The following COL5A2 variants were observed in gnomAD, a reference collection of about 807,000 sequenced individuals.
COL5A2 encodes collagen alpha-2(V) chain.
Under a neutral mutation model 208.2 loss-of-function variants are expected in COL5A2, and 23 were observed. The ratio of observed to expected loss-of-function variants is 0.11; its 90% CI spans 0.08 to 0.16. The LOEUF is 0.16. Ranked by LOEUF, COL5A2 falls within the 10% of genes least tolerant of loss-of-function variation. The probability of loss-of-function intolerance (pLI) is 1.00; values close to 1 mark genes in which losing one functional copy is unlikely to be tolerated. For synonymous variants in COL5A2, 625 were observed against 628.5 expected, an observed-to-expected ratio of 0.99 and a Z score of 0.08; for missense variants, 1,590 against 1,956.4, an observed-to-expected ratio of 0.81 and a Z score of 3.53.
chr2:189,220,516 A>G (rs1689335619), intron 1 of COL5A2, among the ~76,000 whole-genome samples: 1 of 152,026 alleles, frequency 6.6e-6, no homozygotes, highest in East Asian at 1.9e-4. Context: ...TGGTTTGAAC[A>G]TGCCAATCAC....
intron 1 of COL5A2, among the ~76,000 whole-genome samples, chr2:189,133,437 G>A (rs181435835): frequency 7.2e-5 from 11 of 152,108 alleles, no homozygotes; most frequent in African/African-American, 2.7e-4. Flanking sequence ...ACTTCTTTAT[G>A]AAAGAAAGAA....
At chr2:189,038,105 G>A (rs1685479386) in intron 51 of COL5A2, among the ~76,000 whole-genome samples, 2 of 151,700 alleles carry the variant, frequency 1.3e-5, no homozygotes, top group South Asian at 4.2e-4. Flanking sequence ...GTATGATGCT[G>A]AGGTTTGGGG....
At chr2:189,194,022 T>C (rs1275265786) in intron 1 of COL5A2, among the ~76,000 whole-genome samples, 9 of 152,232 alleles carry the variant, frequency 5.9e-5, no homozygotes, top group African/African-American at 2.2e-4. Flanking sequence ...TTTATATTAA[T>C]ATGTAATGGG....
chr2:189,323,112 A>T, the COL5A2 span, among the ~76,000 whole-genome samples: 1 of 152,230 alleles, frequency 6.6e-6, no homozygotes, highest in Admixed American at 6.5e-5. Flanking sequence ...CTTCGAAAAA[A>T]TTCAAAAGCG....
At chr2:189,108,289 G>T (rs982299456) in intron 2 of COL5A2, among the ~76,000 whole-genome samples, 1 of 151,704 alleles carries the variant, frequency 6.6e-6, no homozygotes, top group Non-Finnish European at 1.5e-5. Context: ...TTAGCCGATG[G>T]TAGTTTCCCT....
the COL5A2 span, among the ~76,000 whole-genome samples, chr2:189,413,356 G>A: frequency 3.1e-4 from 47 of 151,986 alleles, no homozygotes; most frequent in African/African-American, 1.1e-3. Context: ...CTCATCCCAA[G>A]TAAGTAATTT....
chr2:189,267,254 G>C, the COL5A2 span, among the ~76,000 whole-genome samples: 281 of 152,000 alleles, frequency 1.8e-3, no homozygotes, highest in African/African-American at 6.5e-3. Flanking sequence ...GTCAGATGAA[G>C]TATACAGATA....
the COL5A2 span, among the ~76,000 whole-genome samples, chr2:189,351,252 C>T: frequency 6.6e-6 from 1 of 152,164 alleles, no homozygotes; most frequent in East Asian, 1.9e-4. Context: ...AACTCACATA[C>T]CCTTTCAAAA....
the COL5A2 span, among the ~76,000 whole-genome samples, chr2:189,299,639 T>C: frequency 1.3e-5 from 2 of 152,298 alleles, no homozygotes; most frequent in East Asian, 3.9e-4. Flanking sequence ...AAGATGAAGA[T>C]TAAATTGCAT....
At chr2:189,186,189 G>A (rs1688849411) in intron 1 of COL5A2, among the ~76,000 whole-genome samples, 1 of 151,830 alleles carries the variant, frequency 6.6e-6, no homozygotes, top group African/African-American at 2.4e-5. Context: ...GTAGAGATGG[G>A]TCTCTCCATC....
chr2:189,232,074 G>C, the COL5A2 span, among the ~76,000 whole-genome samples: 1 of 151,722 alleles, frequency 6.6e-6, no homozygotes, highest in Admixed American at 6.6e-5. Flanking sequence ...TTCTGGGCCT[G>C]AGCATAGAAA....
At chr2:189,315,169 C>T in the COL5A2 span, among the ~76,000 whole-genome samples, 1,635 of 152,224 alleles carry the variant, frequency 0.011, 12 homozygotes, top group Non-Finnish European at 0.017. Context: ...ATGCAAAAAT[C>T]CCCAACAAAA....
chr2:189,218,317 T>C (rs1689304300), intron 1 of COL5A2, among the ~76,000 whole-genome samples: 1 of 152,134 alleles, frequency 6.6e-6, no homozygotes, highest in Non-Finnish European at 1.5e-5. Flanking sequence ...CTAAATCCAA[T>C]GACTGGTTCC....
chr2:189,319,907 C>T, the COL5A2 span, among the ~76,000 whole-genome samples: 6 of 152,212 alleles, frequency 3.9e-5, no homozygotes, highest in East Asian at 1.2e-3. Context: ...ATCTGGGAGG[C>T]ACCCCCCCAG....
chr2:189,066,487 C>T lies in COL5A2; in HGVS notation c.1466G>A (p.Gly489Asp). Residue 489 changes from glycine to aspartate, a missense_variant, in exon 23 of 54, where the codon GGT (glycine) becomes GAT (aspartate). Coordinates refer to ENST00000374866, the MANE Select transcript of COL5A2 (RefSeq NM_000393.5). ...GGGTGGGCCTATCGGACCCTGAATACCATGTGGCCCCTGTTAAAAACAGAA... is the reference window on the plus strand; with the variant it reads ...GGGTGGGCCTATCGGACCCTGAATATCATGTGGCCCCTGTTAAAAACAGAA... ...AGPKGEPGPHGIQGPIGPPGE... is the reference protein window; with the variant it reads ...AGPKGEPGPHDIQGPIGPPGE... The T allele has an allele frequency of 1.9e-6, 3 of 1,614,114 alleles. No homozygotes were observed. The highest frequency in any genetic ancestry group is 2.5e-6 in the Non-Finnish European group (3 of 1,179,994).
At chr2:189,048,672 T>C (rs996715035) in intron 44 of COL5A2, among the ~76,000 whole-genome samples, 8 of 152,196 alleles carry the variant, frequency 5.3e-5, no homozygotes, top group African/African-American at 1.9e-4. Flanking sequence ...CTTTAAGAAA[T>C]AGTCTTCCTT....
chr2:189,113,501 G>C (rs1029050475), intron 1 of COL5A2, among the ~76,000 whole-genome samples: 12 of 150,780 alleles, frequency 8.0e-5, no homozygotes, highest in African/African-American at 2.9e-4. Flanking sequence ...TTATTGTGGA[G>C]TATTATATAT....
At chr2:189,142,494 T>C (rs1687953376) in intron 1 of COL5A2, among the ~76,000 whole-genome samples, 2 of 152,124 alleles carry the variant, frequency 1.3e-5, no homozygotes, top group African/African-American at 4.8e-5. Context: ...AAGCACTCAA[T>C]AAATGGTAGC....
At chr2:189,368,637 AT>A in the COL5A2 span, among the ~76,000 whole-genome samples, 1 of 152,206 alleles carries the variant, frequency 6.6e-6, no homozygotes, top group Non-Finnish European at 1.5e-5. Flanking sequence ...GAATGCATTC[AT>A]TAGATAAAGT....
Sources: gnomAD v4.1 joint callset for allele counts (sites outside exome capture counted in the v4.1 genomes callset) on GRCh38, gnomAD v4.1.1 for gene constraint, MANE v1.5 for transcripts, NCBI Gene and HGNC (gene_info 2026-07-23, HGNC 2026-07-21) for gene names.